The following ANKS1B variants were observed in gnomAD, a reference collection of about 807,000 sequenced individuals.
ANKS1B encodes ankyrin repeat and sterile alpha motif domain containing 1B.
Under a neutral mutation model 148.3 loss-of-function variants are expected in ANKS1B, and 36 were observed. The observed-to-expected ratio is 0.24, with a 90% CI of 0.19 to 0.32. The LOEUF (loss-of-function observed/expected upper bound fraction) is 0.32. Among genes scored for constraint, ANKS1B ranks in the 10% least tolerant of loss-of-function variants. ANKS1B has a pLI of 1.00. For missense variants in ANKS1B, 1,157 were observed against 1,542.6 expected, an observed-to-expected ratio of 0.75 and a Z score of 4.19; for synonymous variants, 542 against 560.8, an observed-to-expected ratio of 0.97 and a Z score of 0.47.
chr12:99,961,202 C>T (rs2095407706), intron 1 of ANKS1B, among the ~76,000 whole-genome samples: 1 of 151,958 alleles, frequency 6.6e-6, no homozygotes, highest in African/African-American at 2.4e-5. Flanking sequence ...GCACTCCAGC[C>T]TGGGCAGCAG....
chr12:99,745,182 G>GAAA (rs1443717364), intron 8 of ANKS1B, among the ~76,000 whole-genome samples: 1 of 116,034 alleles, frequency 8.6e-6, no homozygotes, highest in Non-Finnish European at 1.8e-5. Flanking sequence ...AATAAACAAA[G>GAAA]AGAATAAGGA....
chr12:99,123,915 T>C (rs1442987417), intron 15 of ANKS1B, among the ~76,000 whole-genome samples: 5 of 152,118 alleles, frequency 3.3e-5, no homozygotes, highest in Non-Finnish European at 7.4e-5. Context: ...ATTGCATCCT[T>C]CAACCCAATG....
chr12:99,578,683 T>C (rs1343732993), intron 9 of ANKS1B, among the ~76,000 whole-genome samples: 2 of 152,010 alleles, frequency 1.3e-5, no homozygotes, highest in Non-Finnish European at 2.9e-5. Flanking sequence ...CAAACACTGC[T>C]GAAAGAAATG....
chr12:99,364,969 A>T (rs2092689069), intron 12 of ANKS1B, among the ~76,000 whole-genome samples: 1 of 152,192 alleles, frequency 6.6e-6, no homozygotes, highest in African/African-American at 2.4e-5. Flanking sequence ...CCCACCCCAA[A>T]GAACACAATA....
At chr12:99,950,113 ATT>A (rs35287842) in intron 1 of ANKS1B, among the ~76,000 whole-genome samples, 13,592 of 90,116 alleles carry the variant, frequency 0.15, 908 homozygotes, top group Middle Eastern at 0.23. Flanking sequence ...TGCTCAGTTA[ATT>A]TTTTTTTTTT....
intron 4 of ANKS1B, among the ~76,000 whole-genome samples, chr12:99,805,098 GT>G (rs2067424552): frequency 1.3e-5 from 2 of 151,908 alleles, no homozygotes; most frequent in Admixed American, 1.3e-4. Flanking sequence ...TAAATAAAGA[GT>G]TATTGTGTTA....
At chr12:99,323,855 C>A (rs957705071) in intron 12 of ANKS1B, among the ~76,000 whole-genome samples, 7 of 152,118 alleles carry the variant, frequency 4.6e-5, no homozygotes, top group Non-Finnish European at 7.4e-5. Flanking sequence ...TGAAGTGAGA[C>A]TCAAGCGATT....
intron 12 of ANKS1B, among the ~76,000 whole-genome samples, chr12:99,380,795 T>C (rs2093611734): frequency 7.5e-6 from 1 of 133,812 alleles, no homozygotes; most frequent in Non-Finnish European, 1.6e-5. Flanking sequence ...CTTCCTTCCT[T>C]CCTTCCTTTC....
intron 12 of ANKS1B, among the ~76,000 whole-genome samples, chr12:99,276,453 T>A (rs1386763306): frequency 6.6e-6 from 1 of 152,114 alleles, no homozygotes; most frequent in Non-Finnish European, 1.5e-5. Flanking sequence ...AATAGGAAAT[T>A]TGGACATGCT....
rs116487587 is a variant in ANKS1B, at chr12:99,095,474, G to A, written c.2527-10451C>T. ...TAAACAGTTCAGAGAAGGTGACAGC[G>A]ATGGGCCCACAGTCCTTGGACCTCC... On this transcript the variant is annotated intron_variant, in intron 15 of 26. Coordinates refer to ENST00000683438, the MANE Select transcript of ANKS1B (RefSeq NM_001352186.2). Among the ~76,000 whole-genome samples the A allele has an allele frequency of 2.6e-3, 403 of 152,286 alleles. 2 individuals are homozygous for A. Among genetic ancestry groups the A allele is most frequent in the African/African-American group, 9.2e-3 (382 of 41,562 alleles).
intron 17 of ANKS1B, among the ~76,000 whole-genome samples, chr12:98,957,321 ATTTATTTATT>A (rs2099864057): frequency 1.7e-4 from 8 of 47,814 alleles, no homozygotes; most frequent in Middle Eastern, 8.3e-3. Flanking sequence ...ATATTTATTT[ATTTATTTATT>A]TATTTATTTA....
Position 99,053,149 on chromosome 12 carries a change from C to A in ANKS1B, c.2778+8G>T. 2 of 1,597,588 alleles carry A rather than the reference C, an allele frequency of 1.3e-6. No homozygotes were observed. Among genetic ancestry groups the A allele is most frequent in the South Asian group, 2.3e-5 (2 of 87,754 alleles). On this transcript the variant is annotated splice_region_variant and intron_variant, in intron 17 of 26. Transcript: ENST00000683438. ...AATAGTTAAGGTGTCACTAAGAGAC[C>A]AACTTACATTAATAAGTTCAACCTC...
At chr12:99,718,095 G>A (rs943596117) in intron 8 of ANKS1B, among the ~76,000 whole-genome samples, 7 of 151,694 alleles carry the variant, frequency 4.6e-5, no homozygotes, top group Admixed American at 3.9e-4. Flanking sequence ...AGTAGAGACG[G>A]GGTTTCACCA....
chr12:99,682,406 T>C (rs2098626038), intron 8 of ANKS1B, among the ~76,000 whole-genome samples: 1 of 152,114 alleles, frequency 6.6e-6, no homozygotes. Context: ...TGAAATTATA[T>C]CAAGTGCTCT....
chr12:99,270,444 C>A (rs1388498092), intron 12 of ANKS1B, among the ~76,000 whole-genome samples: 5 of 152,082 alleles, frequency 3.3e-5, no homozygotes, highest in East Asian at 1.9e-4. Flanking sequence ...TTTTATTTAC[C>A]TGAGGTTACT....
chr12:99,684,221 A>G (rs975679733), intron 8 of ANKS1B, among the ~76,000 whole-genome samples: 2 of 152,086 alleles, frequency 1.3e-5, no homozygotes, highest in African/African-American at 4.8e-5. Flanking sequence ...ATAAAGACTG[A>G]TCCAAAAAGC....
chr12:99,769,829 A>G (rs1032578922), intron 8 of ANKS1B, among the ~76,000 whole-genome samples: 1 of 152,218 alleles, frequency 6.6e-6, no homozygotes, highest in African/African-American at 2.4e-5. Context: ...ACAAACTCTC[A>G]TCATAAATCA....
chr12:99,123,807 A>C (rs916043215), intron 15 of ANKS1B, among the ~76,000 whole-genome samples: 1 of 152,168 alleles, frequency 6.6e-6, no homozygotes, highest in South Asian at 2.1e-4. Context: ...CCACACTGGA[A>C]GTTGATTAGA....
intron 11 of ANKS1B, among the ~76,000 whole-genome samples, chr12:99,423,608 G>A (rs988235491): frequency 4.6e-5 from 7 of 151,986 alleles, no homozygotes; most frequent in Non-Finnish European, 1.0e-4. Flanking sequence ...TGGTAGACTG[G>A]ATTTAAAAAG....
Sources: allele counts gnomAD v4.1 joint callset (sites outside exome capture counted in the v4.1 genomes callset), GRCh38; gene constraint gnomAD v4.1.1; transcripts MANE v1.5; gene names NCBI Gene and HGNC (gene_info 2026-07-23, HGNC 2026-07-21).